Variants in SOX5 observed in about 807,000 individuals in gnomAD.
SOX5 encodes SRY-box transcription factor 5.
In SOX5, 9 loss-of-function variants were observed where a neutral mutation model predicts 92.0. That is an observed-to-expected ratio of 0.10 (90% CI 0.06 to 0.17). The LOEUF is 0.17. Among genes scored for constraint, SOX5 ranks in the 10% least tolerant of loss-of-function variants. The pLI is 1.00. For synonymous variants in SOX5, 344 were observed against 336.3 expected (o/e 1.02, Z -0.25); for missense variants, 642 against 944.5 (o/e 0.68, Z 4.20).
At chr12:23,727,013 GAAGA>G (rs546014451) in intron 6 of SOX5, among the ~76,000 whole-genome samples, 368 of 152,116 alleles carry the variant, frequency 2.4e-3, no homozygotes, top group African/African-American at 8.3e-3. Context: ...AAAGATTGTA[GAAGA>G]AAGAAACACA....
chr12:23,686,259 G>A (rs148087546), intron 6 of SOX5, among the ~76,000 whole-genome samples: 1 of 152,278 alleles, frequency 6.6e-6, no homozygotes, highest in African/African-American at 2.4e-5. Context: ...AAAAAAAATT[G>A]TCTATATCCT....
intron 3 of SOX5, among the ~76,000 whole-genome samples, chr12:23,782,931 C>T (rs2095310786): frequency 6.6e-6 from 1 of 152,042 alleles, no homozygotes; most frequent in East Asian, 1.9e-4. Context: ...CTCTGATCAT[C>T]AAATTTAATA....
intron 4 of SOX5, among the ~76,000 whole-genome samples, chr12:24,080,835 C>T (rs1943239760): frequency 6.6e-6 from 1 of 151,862 alleles, no homozygotes. Flanking sequence ...GAAGAAATGG[C>T]ATTGTAGCTA....
At chr12:24,095,070 C>T (rs1193525243) in intron 4 of SOX5, among the ~76,000 whole-genome samples, 1 of 149,454 alleles carries the variant, frequency 6.7e-6, no homozygotes, top group Admixed American at 6.7e-5. Flanking sequence ...CTTTTACTTT[C>T]TTATAATTTC....
chr12:23,590,891 G>T (rs895352137), intron 9 of SOX5, among the ~76,000 whole-genome samples: 3 of 151,882 alleles, frequency 2.0e-5, no homozygotes, highest in African/African-American at 4.8e-5. Flanking sequence ...GATAAACAAC[G>T]TGTCTCTTTC....
intron 4 of SOX5, among the ~76,000 whole-genome samples, chr12:24,095,830 C>T (rs1945340457): frequency 6.6e-6 from 1 of 152,152 alleles, no homozygotes; most frequent in African/African-American, 2.4e-5. Flanking sequence ...ACTTCTCCCT[C>T]CTGCCACCTT....
intron 6 of SOX5, among the ~76,000 whole-genome samples, chr12:23,678,816 A>G (rs1726170883): frequency 6.6e-6 from 1 of 152,164 alleles, no homozygotes; most frequent in African/African-American, 2.4e-5. Context: ...CCTACCTACA[A>G]ACTAGGCTTT....
At chr12:23,590,085 T>C (rs1951314120) in intron 9 of SOX5, among the ~76,000 whole-genome samples, 1 of 151,930 alleles carries the variant, frequency 6.6e-6, no homozygotes, top group Non-Finnish European at 1.5e-5. Flanking sequence ...ATTATATTGC[T>C]AGTGGTGCTA....
intron 3 of SOX5, among the ~76,000 whole-genome samples, chr12:23,763,670 T>C (rs1465347547): frequency 6.6e-6 from 1 of 152,084 alleles, no homozygotes; most frequent in Non-Finnish European, 1.5e-5. Context: ...TTTTCTTTGT[T>C]TGACAGTTGT....
At chr12:23,591,352 T>C (rs1951523057) in intron 9 of SOX5, among the ~76,000 whole-genome samples, 1 of 152,084 alleles carries the variant, frequency 6.6e-6, no homozygotes, top group Non-Finnish European at 1.5e-5. Context: ...GTTAAGAGCC[T>C]ATTAGGGGCC....
At chr12:24,401,640 T>C (rs976105349) in intron 1 of SOX5, among the ~76,000 whole-genome samples, 5 of 146,060 alleles carry the variant, frequency 3.4e-5, no homozygotes, top group Non-Finnish European at 5.9e-5. Flanking sequence ...TGCCCAGGAG[T>C]TGGAAGATGC....
intron 4 of SOX5, among the ~76,000 whole-genome samples, chr12:23,996,234 A>C (rs1951021338): frequency 6.6e-6 from 1 of 152,240 alleles, no homozygotes; most frequent in Admixed American, 6.5e-5. Context: ...GTGAAGAAAG[A>C]AAAGATGTTC....
intron 2 of SOX5, among the ~76,000 whole-genome samples, chr12:24,284,169 G>A (rs1945553645): frequency 6.6e-6 from 1 of 152,218 alleles, no homozygotes; most frequent in African/African-American, 2.4e-5. Context: ...GAGAACAACA[G>A]GAAATTCTAG....
chr12:24,475,184 CTG>C (rs930471319), intron 1 of SOX5, among the ~76,000 whole-genome samples: 6 of 152,092 alleles, frequency 3.9e-5, no homozygotes, highest in Non-Finnish European at 8.8e-5. Context: ...GTGTTTTGCT[CTG>C]TGTCTACTCT....
chr12:24,118,688 A>G (rs1051700740), intron 4 of SOX5, among the ~76,000 whole-genome samples: 4 of 152,198 alleles, frequency 2.6e-5, no homozygotes, highest in African/African-American at 9.6e-5. Flanking sequence ...GGTCAAACTT[A>G]AAAAAGCTTC....
chr12:23,760,958 T>C (rs1165819661), intron 3 of SOX5, among the ~76,000 whole-genome samples: 1 of 152,164 alleles, frequency 6.6e-6, no homozygotes, highest in Non-Finnish European at 1.5e-5. Flanking sequence ...CTATGTATGA[T>C]ATTTGACTTT....
intron 4 of SOX5, among the ~76,000 whole-genome samples, chr12:24,135,192 A>T (rs1323505906): frequency 1.3e-5 from 2 of 152,190 alleles, no homozygotes; most frequent in Admixed American, 1.3e-4. Context: ...ATTTGCTGCT[A>T]AACCACCCTA....
intron 4 of SOX5, among the ~76,000 whole-genome samples, chr12:24,015,127 T>C (rs929001902): frequency 3.3e-5 from 5 of 152,022 alleles, no homozygotes; most frequent in African/African-American, 9.7e-5. Flanking sequence ...TCTCCCTTTT[T>C]TCCCCCTCTA....
At chr12:23,741,114 G>A in intron 4 of SOX5, 75 bp from the exon 5 acceptor site, 5 of 1,117,824 alleles carry the variant, frequency 4.5e-6, no homozygotes, top group Non-Finnish European at 6.2e-6. Context: ...TGGCTCTGTT[G>A]TATACAGAGC....
Sources: gnomAD v4.1 joint callset for allele counts (sites outside exome capture counted in the v4.1 genomes callset) on GRCh38, gnomAD v4.1.1 for gene constraint, MANE v1.5 for transcripts, NCBI Gene and HGNC (gene_info 2026-07-23, HGNC 2026-07-21) for gene names.